Variants in DGKI observed in about 807,000 individuals in gnomAD.
The protein encoded by DGKI is DAG kinase iota.
Under a neutral mutation model 147.5 loss-of-function variants are expected in DGKI, and 55 were observed. The ratio of observed to expected loss-of-function variants is 0.37; its 90% CI spans 0.30 to 0.47. DGKI has a LOEUF of 0.47. Ranked by LOEUF, DGKI falls within the 20% of genes least tolerant of loss-of-function variation. The pLI, the probability that DGKI is intolerant of heterozygous loss-of-function variation, is 1.00. For missense variants in DGKI, 1,007 were observed against 1,323.8 expected (o/e 0.76, Z 3.71); for synonymous variants, 469 against 477.1 (o/e 0.98, Z 0.22).
At chr7:137,715,883 A>C (rs190380297) in intron 1 of DGKI, among the ~76,000 whole-genome samples, 2 of 152,318 alleles carry the variant, frequency 1.3e-5, no homozygotes, top group East Asian at 3.9e-4. Flanking sequence ...GAAGAACTTT[A>C]CCAGATAAAC....
intron 2 of DGKI, among the ~76,000 whole-genome samples, chr7:137,682,792 A>G (rs1450684909): frequency 6.6e-6 from 1 of 152,048 alleles, no homozygotes; most frequent in Non-Finnish European, 1.5e-5. Context: ...TTCCTCCATG[A>G]TTTTTTGTCT....
chr7:137,812,600 A>ATGGCAGTAT (rs1159165844), intron 1 of DGKI, among the ~76,000 whole-genome samples: 1 of 152,202 alleles, frequency 6.6e-6, no homozygotes, highest in African/African-American at 2.4e-5. Flanking sequence ...TAATGCATAA[A>ATGGCAGTAT]TGGCAGTATT....
At position 137,386,419 on chromosome 7, in the gene DGKI, C is replaced by T. The variant is rs1331215434; in HGVS notation, c.*4801G>A. The stretch of plus-strand genomic sequence containing the variant: ...ATTGTGTACCCTCATGGGACTAAGA[C>T]AGATATTTGCTAAACCTGATAGATT... On this transcript the variant is annotated 3_prime_UTR_variant, in exon 33 of 33. Transcript: ENST00000614521. 6.6e-6 allele frequency: 1 copy of T among 152,118 alleles called. No individual in the cohort carries two copies. Among genetic ancestry groups the T allele is most frequent in the Non-Finnish European group, 1.5e-5 (1 of 68,014 alleles). The allele number at this position is 152,118 out of a possible 1,614,324, so 9.4% of individuals were successfully genotyped here. A position where few individuals can be genotyped will look rare whatever the true frequency, so the allele number is the denominator to read the frequency against.
chr7:137,457,731 T>C (rs763806382), intron 27 of DGKI, among the ~76,000 whole-genome samples: 11 of 152,204 alleles, frequency 7.2e-5, no homozygotes, highest in Non-Finnish European at 1.2e-4. Context: ...TGAACTACCA[T>C]TGAATGTTTT....
In DGKI at chr7:137,828,767, T is replaced by C. The variant is rs558050581; in HGVS notation, c.401+17695A>G. ...TCACAGCTTCCTAAGGTCTCTCCCC[T>C]AGGAATCAGGGGAGCCACAGTAAAA... On this transcript the variant is annotated intron_variant, in intron 1 of 32. Coordinates refer to ENST00000614521, the MANE Select transcript of DGKI (RefSeq NM_001321708.2). Among the ~76,000 whole-genome samples the C allele has an allele frequency of 2.0e-5, 3 of 152,314 alleles. No homozygotes were observed. The East Asian group carries it at 5.8e-4, about 29-fold the overall frequency.
intron 1 of DGKI, among the ~76,000 whole-genome samples, chr7:137,717,897 T>C (rs908033638): frequency 6.6e-6 from 1 of 152,158 alleles, no homozygotes; most frequent in Admixed American, 6.5e-5. Context: ...CTGATTGATT[T>C]AAACTTCCTT....
intron 5 of DGKI, among the ~76,000 whole-genome samples, chr7:137,653,612 G>A (rs1432129953): frequency 1.3e-5 from 2 of 152,094 alleles, no homozygotes; most frequent in African/African-American, 4.8e-5. Flanking sequence ...AACTTAGTTA[G>A]CTCCTTAAGG....
intron 1 of DGKI, among the ~76,000 whole-genome samples, chr7:137,764,212 G>A (rs1364718549): frequency 1.3e-5 from 2 of 151,078 alleles, no homozygotes; most frequent in African/African-American, 4.9e-5. Flanking sequence ...CTTTGTCCAG[G>A]GTGGCACCCT....
chr7:137,414,213 C>T (rs1463334804), intron 28 of DGKI, among the ~76,000 whole-genome samples: 1 of 152,144 alleles, frequency 6.6e-6, no homozygotes. Context: ...TAAACTTACT[C>T]ACTGCCCCTG....
intron 21 of DGKI, among the ~76,000 whole-genome samples, chr7:137,499,541 G>A (rs1816096610): frequency 6.6e-6 from 1 of 151,998 alleles, no homozygotes; most frequent in South Asian, 2.1e-4. Context: ...AGAACAAAAA[G>A]GTGGAATAAA....
At chr7:137,549,902 T>C (rs918090142) in intron 20 of DGKI, among the ~76,000 whole-genome samples, 1 of 152,252 alleles carries the variant, frequency 6.6e-6, no homozygotes, top group African/African-American at 2.4e-5. Context: ...ACATGATGAC[T>C]AGGTTTTTTT....
rs116986859 is a variant in DGKI at position 137,393,634 on chromosome 7, C to A, written c.3057+1964G>T. Among the ~76,000 whole-genome samples the A allele has an allele frequency of 1.5e-3, 229 of 152,266 alleles. 1 individual carries two copies. The highest frequency in any genetic ancestry group is 5.3e-3 in the African/African-American group (220 of 41,540). ...AAATTATTACTTTTAATGGCAAAAA[C>A]CACAATTACTTTTACACCAACCTAA... is the stretch of plus-strand genomic sequence containing the variant. On this transcript the variant is annotated intron_variant, in intron 32 of 32. Coordinates refer to ENST00000614521, the MANE Select transcript of DGKI (RefSeq NM_001321708.2).
At chr7:137,513,121 T>C (rs184773902) in intron 21 of DGKI, among the ~76,000 whole-genome samples, 51 of 152,334 alleles carry the variant, frequency 3.3e-4, no homozygotes, top group Admixed American at 2.9e-3. Context: ...CATTTCCAAC[T>C]TTCAACTAGT....
intron 23 of DGKI, among the ~76,000 whole-genome samples, chr7:137,477,541 A>G (rs1338102804): frequency 6.6e-6 from 1 of 152,246 alleles, no homozygotes; most frequent in Non-Finnish European, 1.5e-5. Context: ...AGACTGAATT[A>G]GAGTTTCACC....
intron 2 of DGKI, among the ~76,000 whole-genome samples, chr7:137,688,528 C>T (rs1245100586): frequency 1.3e-5 from 2 of 152,094 alleles, no homozygotes; most frequent in African/African-American, 4.8e-5. Flanking sequence ...AATGAATGTT[C>T]GCCTCTAAAT....
At chr7:137,718,049 G>A (rs553238007) in intron 1 of DGKI, among the ~76,000 whole-genome samples, 7 of 152,250 alleles carry the variant, frequency 4.6e-5, no homozygotes, top group African/African-American at 1.4e-4. Context: ...CACCTAGAAT[G>A]AGGAGTGATG....
chr7:137,407,822 G>A lies in DGKI; in HGVS notation c.2920+53C>T, dbSNP rs1812012861. ...AAGGGTAACTTAGAAAATGCAAAAT[G>A]CAATGGATTTCACAGGTAAGTGATC... On this transcript the variant is annotated intron_variant, in intron 30 of 32. Transcript: ENST00000614521. 7 of 1,597,700 alleles carry A rather than the reference G, an allele frequency of 4.4e-6. No homozygotes were observed. The Admixed American group carries it at 1.2e-4, about 28-fold the overall frequency.
At chr7:137,540,785 A>AAAAAAAAAT (rs1817671432) in intron 20 of DGKI, among the ~76,000 whole-genome samples, 1 of 138,684 alleles carries the variant, frequency 7.2e-6, no homozygotes, top group Non-Finnish European at 1.5e-5. Flanking sequence ...AAAAAAAAAA[A>AAAAAAAAAT]AAACATTTAC....
chr7:137,485,125 G>A lies in DGKI; in HGVS notation c.2373+249C>T, dbSNP rs578108408. Among the ~76,000 whole-genome samples, 30 of 152,092 alleles carry A rather than the reference G, an allele frequency of 2.0e-4. No homozygotes were observed. The South Asian group carries it at 6.2e-3, about 32-fold the overall frequency. On this transcript the variant is annotated intron_variant, in intron 23 of 32. Transcript: ENST00000614521. ...GCTGAGTTTTCTGGTATTTGTTACT[G>A]AAAGCACTCAATTTTATAATCTTTT...
Sources: allele counts gnomAD v4.1 joint callset (sites outside exome capture counted in the v4.1 genomes callset), GRCh38; gene constraint gnomAD v4.1.1; transcripts MANE v1.5; gene names NCBI Gene and HGNC (gene_info 2026-07-23, HGNC 2026-07-21).